The following LYPD6B variants were observed in gnomAD, a reference collection of about 807,000 sequenced individuals.
LYPD6B encodes ly6/PLAUR domain-containing protein 6B.
A neutral mutation model predicts 22.8 loss-of-function variants in LYPD6B; 17 were observed. The observed-to-expected ratio is 0.75, with a 90% confidence interval of 0.51 to 1.12. The LOEUF (loss-of-function observed/expected upper bound fraction) is 1.12, where lower values mean the gene tolerates loss of function less well. LYPD6B is among the 50% of genes most tolerant of loss of function. The probability of loss-of-function intolerance (pLI) is 0.00; values close to 1 mark genes in which losing one functional copy is unlikely to be tolerated. For missense variants in LYPD6B, 221 were observed against 258.3 expected, an observed-to-expected ratio of 0.86 and a Z score of 0.99; for synonymous variants, 106 against 91.6, an observed-to-expected ratio of 1.16 and a Z score of -0.90.
At chr2:149,154,084 A>G (rs1422519080) in intron 2 of LYPD6B, 3 of 940,602 alleles carry the variant, frequency 3.2e-6, no homozygotes, top group South Asian at 4.9e-5. Context: ...ATGTCTTCTC[A>G]TTTTGAATAT....
chr2:149,187,619 C>A (rs1022923261), intron 3 of LYPD6B: 2 of 1,104,590 alleles, frequency 1.8e-6, no homozygotes, highest in East Asian at 3.0e-5. Flanking sequence ...ACTGAATAAA[C>A]GTATTTAGTA....
chr2:149,174,034 G>A (rs1449660713), intron 3 of LYPD6B, among the ~76,000 whole-genome samples: 5 of 152,168 alleles, frequency 3.3e-5, no homozygotes, highest in African/African-American at 1.2e-4. Context: ...ACCATGGAAT[G>A]TTTTTCCATT....
At chr2:149,063,562 G>A (rs1349608206) in intron 1 of LYPD6B, among the ~76,000 whole-genome samples, 2 of 152,146 alleles carry the variant, frequency 1.3e-5, no homozygotes, top group Non-Finnish European at 2.9e-5. Flanking sequence ...TTTACTTTGA[G>A]TTGTTTATGT....
At chr2:149,212,597 G>A (rs532393702) in intron 5 of LYPD6B, among the ~76,000 whole-genome samples, 2 of 152,084 alleles carry the variant, frequency 1.3e-5, no homozygotes, top group East Asian at 3.9e-4. Context: ...GACCCATTGC[G>A]TTTTACCATC....
At chr2:149,165,903 G>A (rs1244645391) in intron 3 of LYPD6B, among the ~76,000 whole-genome samples, 4 of 152,120 alleles carry the variant, frequency 2.6e-5, no homozygotes, top group Non-Finnish European at 5.9e-5. Context: ...GCCTTCCTGG[G>A]TACACCCAAG....
chr2:149,135,572 A>T (rs998416077), intron 2 of LYPD6B, among the ~76,000 whole-genome samples: 8 of 151,628 alleles, frequency 5.3e-5, no homozygotes, highest in African/African-American at 1.2e-4. Context: ...ATACAAAAAT[A>T]AGCCAGGGGT....
intron 1 of LYPD6B, among the ~76,000 whole-genome samples, chr2:149,080,996 C>T (rs1305716467): frequency 6.6e-6 from 1 of 152,040 alleles, no homozygotes; most frequent in Non-Finnish European, 1.5e-5. Context: ...TCATGATGTC[C>T]TTGCATAGGA....
Position 149,126,932 on chromosome 2 carries a change from ATT to A in LYPD6B, c.-66-3939_-66-3938del, listed in dbSNP as rs34809542. 7.6e-3 allele frequency among the ~76,000 whole-genome samples: 1,067 copies of A among 141,070 alleles called. 13 individuals carry two copies. Among genetic ancestry groups the A allele is most frequent in the African/African-American group, 0.026 (985 of 38,306 alleles). The allele number at this position is 141,070 out of a possible 152,430, so 92.5% of individuals were successfully genotyped here. On this transcript the variant is annotated intron_variant, in intron 1 of 6. Transcript: ENST00000409642. ...TTTCTCTCTGTACTGCCTTCTGGTC[ATT>A]TTTTTTTTTTTCATAAGCTTTGTCA...
At chr2:149,145,601 A>G (rs1329047921) in intron 2 of LYPD6B, among the ~76,000 whole-genome samples, 2 of 152,166 alleles carry the variant, frequency 1.3e-5, no homozygotes, top group African/African-American at 4.8e-5. Context: ...GAAACAGCCC[A>G]TAGAAGAGAG....
At chr2:149,199,390 T>C (rs1015933244) in intron 3 of LYPD6B, among the ~76,000 whole-genome samples, 1 of 152,214 alleles carries the variant, frequency 6.6e-6, no homozygotes, top group African/African-American at 2.4e-5. Flanking sequence ...TTCTTGTCAG[T>C]CACATCTTAC....
chr2:149,044,362 A>C (rs6706631), intron 1 of LYPD6B, among the ~76,000 whole-genome samples: 2,581 of 152,152 alleles, frequency 0.017, 58 homozygotes, highest in African/African-American at 0.058. Context: ...ATTTATACTT[A>C]GGTATTTCAT....
chr2:149,170,791 G>A (rs1197571946), intron 3 of LYPD6B, among the ~76,000 whole-genome samples: 1 of 151,972 alleles, frequency 6.6e-6, no homozygotes, highest in Non-Finnish European at 1.5e-5. Flanking sequence ...TCCTTCCTAG[G>A]TTTAAATAAA....
intron 1 of LYPD6B, among the ~76,000 whole-genome samples, chr2:149,041,687 A>C (rs1025563222): frequency 3.9e-5 from 6 of 152,178 alleles, no homozygotes; most frequent in African/African-American, 7.2e-5. Flanking sequence ...ACAGATTGGT[A>C]ATCAGAAGTC....
intron 3 of LYPD6B, chr2:149,188,591 T>C: frequency 2.5e-6 from 1 of 402,778 alleles, no homozygotes; most frequent in East Asian, 1.6e-4. Context: ...TACAGGATTA[T>C]GTAAATCACT....
At chr2:149,064,281 A>G (rs777131091) in intron 1 of LYPD6B, among the ~76,000 whole-genome samples, 6 of 152,238 alleles carry the variant, frequency 3.9e-5, no homozygotes, top group Non-Finnish European at 8.8e-5. Context: ...TTATGAAGTC[A>G]TGATTAGAGT....
chr2:149,083,850 G>T (rs1685252217), intron 1 of LYPD6B, among the ~76,000 whole-genome samples: 1 of 152,084 alleles, frequency 6.6e-6, no homozygotes. Context: ...GCCAAGGAGG[G>T]TGGATCACAA....
intron 2 of LYPD6B, among the ~76,000 whole-genome samples, chr2:149,157,153 C>T (rs547996498): frequency 6.6e-6 from 1 of 152,112 alleles, no homozygotes; most frequent in African/African-American, 2.4e-5. Context: ...AGCTTGAGAT[C>T]CTTTGTATTA....
intron 2 of LYPD6B, chr2:149,142,191 A>T (rs451534): frequency 0.64 from 96,256 of 151,478 alleles, 30,640 homozygotes; most frequent in South Asian, 0.75. Flanking sequence ...GCTCTGGGCA[A>T]TGGCGTTTAT....
At chr2:149,160,952 A>G in intron 3 of LYPD6B, 117 bp downstream of exon 3, 1 of 764,554 alleles carries the variant, frequency 1.3e-6, no homozygotes, top group Non-Finnish European at 2.2e-6. Flanking sequence ...TCTCCTTGGC[A>G]GTTTGCCAGG....
Sources: gnomAD v4.1 joint callset for allele counts (sites outside exome capture counted in the v4.1 genomes callset) on GRCh38, gnomAD v4.1.1 for gene constraint, MANE v1.5 for transcripts, NCBI Gene and HGNC (gene_info 2026-07-23, HGNC 2026-07-21) for gene names.